TEX15: variants seen among roughly 807,000 people sequenced by gnomAD.
TEX15 encodes testis-expressed protein 15.
Under a neutral mutation model 237.3 loss-of-function variants are expected in TEX15, and 171 were observed. The observed-to-expected ratio is 0.72, with a 90% confidence interval of 0.64 to 0.82. TEX15 has a LOEUF of 0.82. Among genes scored for constraint, TEX15 ranks in the 40% least tolerant of loss-of-function variants. The probability of loss-of-function intolerance (pLI) is 0.00; values close to 1 mark genes in which losing one functional copy is unlikely to be tolerated. For synonymous variants in TEX15, 1,338 were observed against 1,269.8 expected (o/e 1.05, Z -1.14); for missense variants, 3,750 against 3,646.5 (o/e 1.03, Z -0.73).
intron 3 of TEX15, among the ~76,000 whole-genome samples, chr8:30,884,021 G>A (rs1585307489): frequency 6.6e-6 from 1 of 152,236 alleles, no homozygotes; most frequent in Non-Finnish European, 1.5e-5. Context: ...AAGCAGCTAG[G>A]ACTACTGTAC....
chr8:30,842,982 T>TA lies in TEX15; in HGVS notation c.7184_7185insT (p.Asp2396ArgfsTer16). The TA allele has an allele frequency of 6.2e-7, 1 of 1,613,064 alleles. No homozygotes were observed. Among genetic ancestry groups the TA allele is most frequent in the Non-Finnish European group, 8.5e-7 (1 of 1,179,606 alleles). ...ATTTTTTTAAAATTTCTAAGTGATCTGTACATCTCAAGGTGAGATCCTGTA... is the reference window on the plus strand; with the variant it reads ...ATTTTTTTAAAATTTCTAAGTGATCTAGTACATCTCAAGGTGAGATCCTGTA... On this transcript the variant is annotated frameshift_variant, in exon 8 of 11. Transcript: ENST00000643185. LOFTEE classifies it high-confidence loss of function.
In TEX15 at chr8:30,847,224, T is replaced by C; in HGVS notation, c.2943A>G (p.Ser981=). The C allele has an allele frequency of 1.2e-6, 2 of 1,614,008 alleles. No homozygotes were observed. Among genetic ancestry groups the C allele is most frequent in the Admixed American group, 1.7e-5 (1 of 60,018 alleles). The change falls in exon 8 of 11, where the codon TCA becomes TCG. Residue 981 remains serine, a synonymous_variant. Coordinates refer to ENST00000643185, the MANE Select transcript of TEX15 (RefSeq NM_001350162.2). ...KTASSSVCVA[S]NAAIQIASAT... is the part of the protein sequence containing the mutation. ...CACTAGCTATCTGTATTGCAGCATTTGAGGCTACACACACTGAAGAACTTG... is the reference window on the plus strand; with the variant it reads ...CACTAGCTATCTGTATTGCAGCATTCGAGGCTACACACACTGAAGAACTTG...
intron 9 of TEX15, among the ~76,000 whole-genome samples, chr8:30,839,094 G>A (rs1807386698): frequency 6.6e-6 from 1 of 151,970 alleles, no homozygotes; most frequent in Admixed American, 6.6e-5. Flanking sequence ...GGGATTACAG[G>A]CATGAGCCAC....
intron 1 of TEX15, among the ~76,000 whole-genome samples, chr8:30,905,682 A>C (rs1489529614): frequency 7.1e-6 from 1 of 141,724 alleles, no homozygotes; most frequent in Admixed American, 7.4e-5. Flanking sequence ...TGAGCTCAGG[A>C]GTTCAAGACC....
In TEX15 at chr8:30,845,846, A is replaced by G; in HGVS notation, c.4321T>C (p.Tyr1441His). 1 of 1,610,450 alleles carries G rather than the reference A, an allele frequency of 6.2e-7. No homozygotes were observed. Residue 1441 changes from tyrosine to histidine, a missense_variant, in exon 8 of 11, where the codon TAT becomes CAT. Coordinates refer to ENST00000643185, the MANE Select transcript of TEX15 (RefSeq NM_001350162.2). The part of the protein sequence containing the change: ...GYSSVSQRKY[Y>H]STKHFSSKRK... ...TTTGACGAAAAATGCTTAGTAGAAT[A>G]ATATTTTCTTTGAGACACAGAACTA...
At position 30,858,726 on chromosome 8, in the gene TEX15, A is replaced by T; in HGVS notation, c.792T>A (p.Asp264Glu). ...TCAAAGATGTCATAAGGCGTCCATT[A>T]TCTACTTTTGAACCAAGAAATTTTA... ...VTVKFLGSKVDNGRLMTSLRF... is the reference protein window; with the variant it reads ...VTVKFLGSKVENGRLMTSLRF... The change falls in exon 7 of 11, where the codon GAT becomes GAA. Residue 264 changes from aspartate (D) to glutamate (E), a missense_variant. Coordinates refer to ENST00000643185, the MANE Select transcript of TEX15 (RefSeq NM_001350162.2). The T allele has an allele frequency of 6.5e-7, 1 of 1,535,862 alleles. No homozygotes were observed. Among genetic ancestry groups the T allele is most frequent in the Non-Finnish European group, 8.7e-7 (1 of 1,146,728 alleles).
chr8:30,895,962 G>A (rs1808898543), intron 2 of TEX15, among the ~76,000 whole-genome samples: 1 of 152,064 alleles, frequency 6.6e-6, no homozygotes, highest in South Asian at 2.1e-4. Context: ...TACAATAGGT[G>A]TGAGCTACCA....
At chr8:30,866,796 T>A (rs1808179335) in intron 5 of TEX15, among the ~76,000 whole-genome samples, 1 of 151,910 alleles carries the variant, frequency 6.6e-6, no homozygotes, top group African/African-American at 2.4e-5. Context: ...CAGCTTTTCT[T>A]AACGTTAACA....
At chr8:30,852,250 C>A (rs566220970) in intron 7 of TEX15, among the ~76,000 whole-genome samples, 1 of 151,560 alleles carries the variant, frequency 6.6e-6, no homozygotes, top group African/African-American at 2.4e-5. Flanking sequence ...GGACTACAGG[C>A]GTCCGCCACC....
chr8:30,843,457 T>C lies in TEX15; in HGVS notation c.6710A>G (p.His2237Arg). ...GATCATTTCTATGATAATCCACAGA[T>C]GGTCCTGTTTTCCTGGATACGAATG... ...KVHSYPGKQD[H>R]LWIIIEMISS... The change falls in exon 8 of 11, where the codon CAT (histidine) becomes CGT (arginine). Residue 2237 changes from histidine (H) to arginine (R), a missense_variant. Transcript: ENST00000643185. 6.2e-7 allele frequency: 1 copy of C among 1,612,978 alleles called. No individual in the cohort carries two copies. The highest frequency in any genetic ancestry group is 8.5e-7 in the Non-Finnish European group (1 of 1,179,586).
At chr8:30,906,479 A>G (rs1421044803) in intron 1 of TEX15, among the ~76,000 whole-genome samples, 1 of 151,872 alleles carries the variant, frequency 6.6e-6, no homozygotes, top group Non-Finnish European at 1.5e-5. Context: ...AATCCCAGCT[A>G]CTCAGGAGGC....
chr8:30,837,129 C>T lies in TEX15; in HGVS notation c.9155G>A (p.Ser3052Asn). 2 of 1,613,960 alleles carry T rather than the reference C, an allele frequency of 1.2e-6. No individual in the cohort carries two copies. The highest frequency in any genetic ancestry group is 1.7e-6 in the Non-Finnish European group (2 of 1,179,888). ...TGTCTGGGTAATGGCATTGCCATTG[C>T]TGTTGCTGTACTGATAAACACACCA... ...SAWCVYQYSN[S>N]NGNAITQTYQ... Residue 3052 changes from serine to asparagine, a missense_variant, in exon 10 of 11, where the codon AGC (serine) becomes AAC (asparagine). Ser to Asn is a conservative substitution (Grantham distance 46, BLOSUM62 1). Transcript: ENST00000643185.
Position 30,844,681 on chromosome 8 carries a change from G to C in TEX15, c.5486C>G (p.Ser1829Cys). The change falls in exon 8 of 11, where the codon TCT (serine) becomes TGT (cysteine). Residue 1829 changes from serine to cysteine, a missense_variant. Coordinates refer to ENST00000643185, the MANE Select transcript of TEX15 (RefSeq NM_001350162.2). The stretch of plus-strand genomic sequence containing the variant: ...TTTCTTCACAATACATGTTTCTGAA[G>C]AGGAGCCTTTTACATTATCTTTTAA... ...LLLKDNVKGS[S>C]SETCIVKKDT... is the part of the protein sequence containing the mutation. 2.5e-6 allele frequency: 4 copies of C among 1,613,216 alleles called. No individual in the cohort carries two copies. Among genetic ancestry groups the C allele is most frequent in the Non-Finnish European group, 3.4e-6 (4 of 1,179,588 alleles).
At position 30,833,280 on chromosome 8, in the gene TEX15, C is replaced by A; in HGVS notation, c.*6G>T. The A allele has an allele frequency of 6.3e-7, 1 of 1,580,780 alleles. No individual in the cohort carries two copies. The highest frequency in any genetic ancestry group is 1.2e-5 in the South Asian group (1 of 84,974). On this transcript the variant is annotated 3_prime_UTR_variant, in exon 11 of 11. Coordinates refer to ENST00000643185, the MANE Select transcript of TEX15 (RefSeq NM_001350162.2). ...ATGTCTTATTTCAATAGACAGAAGACTATTTTCAGTGTCCTGGATGAAAGG... is the reference window on the plus strand; with the variant it reads ...ATGTCTTATTTCAATAGACAGAAGAATATTTTCAGTGTCCTGGATGAAAGG...
At chr8:30,884,301 T>G (rs566347913) in intron 3 of TEX15, among the ~76,000 whole-genome samples, 69 of 152,368 alleles carry the variant, frequency 4.5e-4, no homozygotes, top group African/African-American at 1.4e-3. Context: ...TGTAGTTTTC[T>G]TCTAAGTTCT....
rs1468878672 is a variant in TEX15 at position 30,837,670 on chromosome 8, G to C, written c.8614C>G (p.Gln2872Glu). ...TTTATATCAGAAAGGCAGGATTTTTGGGTGGGATCTGGGGAATTTTTAAGA... is the reference window on the plus strand; with the variant it reads ...TTTATATCAGAAAGGCAGGATTTTTCGGTGGGATCTGGGGAATTTTTAAGA... ...KFLKNSPDPT[Q>E]KSCLSDINPE... Residue 2872 changes from glutamine to glutamate, a missense_variant, in exon 10 of 11, where the codon CAA becomes GAA. Physicochemically the swap from Gln to Glu is conservative, Grantham distance 29 (BLOSUM62 2). Transcript: ENST00000643185. 6.2e-7 allele frequency: 1 copy of C among 1,613,876 alleles called. No individual in the cohort carries two copies. The highest frequency in any genetic ancestry group is 1.3e-5 in the African/African-American group (1 of 74,904).
chr8:30,882,834 A>G (rs1320155388), intron 3 of TEX15, among the ~76,000 whole-genome samples: 1 of 151,934 alleles, frequency 6.6e-6, no homozygotes, highest in Non-Finnish European at 1.5e-5. Context: ...TTCTCCTTTC[A>G]GTTTTATCAG....
Position 30,833,336 on chromosome 8 carries a change from A to C in TEX15, c.9482-13T>G, listed in dbSNP as rs771749085. ...TGGTGCCATGGAGCTGGAAGAAAAAACACCACAAAGATTTAAATAAATAAT... is the reference window on the plus strand; with the variant it reads ...TGGTGCCATGGAGCTGGAAGAAAAACCACCACAAAGATTTAAATAAATAAT... On this transcript the variant is annotated splice_polypyrimidine_tract_variant and intron_variant, in intron 10 of 10. Transcript: ENST00000643185. 14 of 1,583,744 alleles carry C rather than the reference A, an allele frequency of 8.8e-6. No individual in the cohort carries two copies. The highest frequency in any genetic ancestry group is 5.7e-5 in the South Asian group (5 of 87,086).
intron 2 of TEX15, chr8:30,888,692 AT>A: frequency 7.9e-7 from 1 of 1,270,136 alleles, no homozygotes; most frequent in Non-Finnish European, 1.0e-6. Flanking sequence ...TAGTTCCAAC[AT>A]TAGATCACAA....
Sources: allele counts gnomAD v4.1 joint callset (sites outside exome capture counted in the v4.1 genomes callset), GRCh38; gene constraint gnomAD v4.1.1; transcripts MANE v1.5; gene names NCBI Gene and HGNC (gene_info 2026-07-23, HGNC 2026-07-21).